Variants in CFDP1 observed in about 807,000 individuals in gnomAD.
The protein encoded by CFDP1 is chromatin remodeling protein CFDP1.
A neutral mutation model predicts 40.1 loss-of-function variants in CFDP1; 31 were observed. The observed-to-expected ratio is 0.77, with a 90% confidence interval of 0.58 to 1.04. The LOEUF is 1.04. Ranked by LOEUF, CFDP1 falls within the 50% of genes least tolerant of loss-of-function variation. CFDP1 has a pLI of 0.00. For missense variants in CFDP1, 423 were observed against 343.4 expected (o/e 1.23, Z -1.83); for synonymous variants, 167 against 120.0 (o/e 1.39, Z -2.56).
chr16:75,302,962 G>A (rs986009764), intron 6 of CFDP1, among the ~76,000 whole-genome samples: 7 of 152,160 alleles, frequency 4.6e-5, no homozygotes, highest in South Asian at 2.1e-4. Flanking sequence ...TTGGGAGGCC[G>A]AGGCGGGTGG....
chr16:75,358,570 G>C (rs1014628640), intron 5 of CFDP1, among the ~76,000 whole-genome samples: 2 of 152,052 alleles, frequency 1.3e-5, no homozygotes, highest in Admixed American at 6.6e-5. Context: ...AAGAGTGGGA[G>C]TCTCCAGGAA....
At position 75,404,875 on chromosome 16, in the gene CFDP1, A is replaced by C. The variant is rs533705232; in HGVS notation, c.530+6950T>G. On this transcript the variant is annotated intron_variant, in intron 4 of 6. Coordinates refer to ENST00000283882, the MANE Select transcript of CFDP1 (RefSeq NM_006324.3). ...TAGAGGTGGCTCCATAGCACAACGG[A>C]TAGCGCGCTGGACTTCTAGACTGGA... 1.6e-4 allele frequency among the ~76,000 whole-genome samples: 25 copies of C among 152,312 alleles called. No individual in the cohort carries two copies. In the South Asian group the frequency reaches 1.9e-3, roughly 11 times the overall value.
At chr16:75,318,763 C>T (rs560978548) in intron 5 of CFDP1, among the ~76,000 whole-genome samples, 1 of 152,186 alleles carries the variant, frequency 6.6e-6, no homozygotes, top group Non-Finnish European at 1.5e-5. Context: ...TTTTTTCTCC[C>T]AGGGATGCAT....
chr16:75,389,778 A>C (rs2078932290), intron 5 of CFDP1, among the ~76,000 whole-genome samples: 1 of 152,204 alleles, frequency 6.6e-6, no homozygotes, highest in Non-Finnish European at 1.5e-5. Flanking sequence ...CTGCAAATGG[A>C]GTCTGCTGAC....
At chr16:75,400,122 GA>G (rs527926481) in intron 4 of CFDP1, among the ~76,000 whole-genome samples, 13 of 141,946 alleles carry the variant, frequency 9.2e-5, no homozygotes, top group South Asian at 8.9e-4. Flanking sequence ...AAAAAAAAAG[GA>G]AAAAAAAAAT....
intron 5 of CFDP1, among the ~76,000 whole-genome samples, chr16:75,316,365 G>A (rs777272039): frequency 9.2e-5 from 14 of 151,888 alleles, no homozygotes; most frequent in Non-Finnish European, 1.0e-4. Flanking sequence ...TAACGTCTTC[G>A]GCTACGTCTA....
intron 5 of CFDP1, among the ~76,000 whole-genome samples, chr16:75,362,178 G>C (rs566078112): frequency 8.4e-4 from 128 of 152,294 alleles, no homozygotes; most frequent in African/African-American, 2.8e-3. Context: ...TTCCATGTCT[G>C]CCCTACAGGC....
chr16:75,303,291 G>A lies in CFDP1; in HGVS notation c.809+1733C>T, dbSNP rs375469913. ...TGAGGCAGGAGAATCGCTTGAACCC[G>A]GCAGGCAGAGGTTGCAGTGACCCAA... On this transcript the variant is annotated intron_variant, in intron 6 of 6. Coordinates refer to ENST00000283882, the MANE Select transcript of CFDP1 (RefSeq NM_006324.3). Among the ~76,000 whole-genome samples the A allele has an allele frequency of 5.9e-4, 89 of 152,054 alleles. No individual in the cohort carries two copies. The East Asian group carries it at 0.016, about 27-fold the overall frequency.
At chr16:75,299,217 A>G (rs1419877814) in intron 6 of CFDP1, among the ~76,000 whole-genome samples, 2 of 151,946 alleles carry the variant, frequency 1.3e-5, no homozygotes, top group Non-Finnish European at 2.9e-5. Flanking sequence ...ACTTCAACCA[A>G]CTCTGCTGAC....
intron 1 of CFDP1, among the ~76,000 whole-genome samples, chr16:75,422,376 T>G (rs1383606668): frequency 6.7e-6 from 1 of 149,420 alleles, no homozygotes; most frequent in Non-Finnish European, 1.5e-5. Context: ...ATTACAGGCG[T>G]GAGCCACTGC....
intron 1 of CFDP1, among the ~76,000 whole-genome samples, chr16:75,415,293 G>T (rs2079193993): frequency 6.6e-6 from 1 of 152,108 alleles, no homozygotes; most frequent in Non-Finnish European, 1.5e-5. Flanking sequence ...CACATGCTGT[G>T]GGTACCAGTC....
At chr16:75,318,733 C>G (rs993222925) in intron 5 of CFDP1, among the ~76,000 whole-genome samples, 3 of 152,112 alleles carry the variant, frequency 2.0e-5, no homozygotes, top group African/African-American at 7.2e-5. Context: ...CTGCATCCTG[C>G]TTTTAGACTT....
chr16:75,391,220 T>C (rs565800666), intron 5 of CFDP1: 1 of 152,214 alleles, frequency 6.6e-6, no homozygotes, highest in Non-Finnish European at 1.5e-5. Flanking sequence ...AGAAGAAATA[T>C]CCAAGGAAAC....
At position 75,308,648 on chromosome 16, in the gene CFDP1, A is replaced by C. The variant is rs146130924; in HGVS notation, c.651-3466T>G. ...TAAGTATTCTTTAGAGCGCTTCTAC[A>C]CTGGAGATTTTAAGGGGAACAATTC... is the stretch of plus-strand genomic sequence containing the variant. On this transcript the variant is annotated intron_variant, in intron 5 of 6. Transcript: ENST00000283882. Among the ~76,000 whole-genome samples the C allele has an allele frequency of 5.9e-5, 9 of 152,270 alleles. No individual in the cohort carries two copies. The East Asian group carries it at 1.7e-3, about 29-fold the overall frequency.
At chr16:75,303,281 G>A (rs1424564722) in intron 6 of CFDP1, among the ~76,000 whole-genome samples, 3 of 151,932 alleles carry the variant, frequency 2.0e-5, no homozygotes, top group African/African-American at 4.8e-5. Flanking sequence ...CAGGAGAATC[G>A]CTTGAACCCG....
At chr16:75,381,623 G>A (rs1157862356) in intron 5 of CFDP1, among the ~76,000 whole-genome samples, 2 of 152,182 alleles carry the variant, frequency 1.3e-5, no homozygotes, top group African/African-American at 4.8e-5. Flanking sequence ...CAGATTTCTA[G>A]TCCAGGTTCT....
chr16:75,395,545 G>A (rs1049701651), intron 4 of CFDP1, among the ~76,000 whole-genome samples: 2 of 152,080 alleles, frequency 1.3e-5, no homozygotes, highest in African/African-American at 4.8e-5. Flanking sequence ...TGTAGTCCCA[G>A]CTACTCGGGA....
chr16:75,377,110 G>A (rs1322244676), intron 5 of CFDP1, among the ~76,000 whole-genome samples: 2 of 151,324 alleles, frequency 1.3e-5, no homozygotes, highest in Non-Finnish European at 2.9e-5. Flanking sequence ...GACCCTCCAG[G>A]GCTAAGCCCC....
intron 2 of CFDP1, 36 bp from the exon 3 acceptor site, chr16:75,412,790 G>A: frequency 6.5e-7 from 1 of 1,538,066 alleles, no homozygotes; most frequent in Non-Finnish European, 9.0e-7. Context: ...AGGAAAGACA[G>A]CACAAAACGA....
Sources: allele counts gnomAD v4.1 joint callset (sites outside exome capture counted in the v4.1 genomes callset), GRCh38; gene constraint gnomAD v4.1.1; transcripts MANE v1.5; gene names NCBI Gene and HGNC (gene_info 2026-07-23, HGNC 2026-07-21).